PCNX2: variants seen among roughly 807,000 people sequenced by gnomAD.
PCNX2 encodes pecanex-like protein 2.
In PCNX2, 168 loss-of-function variants were observed where a neutral mutation model predicts 223.8. The ratio of observed to expected loss-of-function variants is 0.75; its 90% CI spans 0.66 to 0.85. The LOEUF (loss-of-function observed/expected upper bound fraction) is 0.85, where lower values mean the gene tolerates loss of function less well. Ranked by LOEUF, PCNX2 falls within the 40% of genes least tolerant of loss-of-function variation. The pLI is 0.00. For missense variants in PCNX2, 2,507 were observed against 2,675.5 expected (o/e 0.94, Z 1.39); for synonymous variants, 1,006 against 1,052.6 (o/e 0.96, Z 0.86).
chr1:233,185,652 G>A lies in PCNX2; in HGVS notation c.3067-6477C>T, dbSNP rs185593255. 5.1e-4 allele frequency among the ~76,000 whole-genome samples: 77 copies of A among 152,214 alleles called. 1 individual carries two copies. Among genetic ancestry groups the A allele is most frequent in the Admixed American group, 4.3e-3 (66 of 15,304 alleles). On this transcript the variant is annotated intron_variant, in intron 15 of 33. Transcript: ENST00000258229. ...CTTGTTGAAACACATGTAGAGCAAC[G>A]GCTCAGAGGAAGAAGGGATCAATTT...
chr1:233,085,462 T>G (rs1190935843), intron 23 of PCNX2, among the ~76,000 whole-genome samples: 1 of 152,208 alleles, frequency 6.6e-6, no homozygotes, highest in Non-Finnish European at 1.5e-5. Flanking sequence ...AATTTACTGA[T>G]GGCCATAGCA....
intron 25 of PCNX2, among the ~76,000 whole-genome samples, chr1:233,031,091 G>A (rs183435193): frequency 6.6e-6 from 1 of 152,300 alleles, no homozygotes; most frequent in East Asian, 1.9e-4. Flanking sequence ...CTCATTTTGT[G>A]TATTTCCTTT....
intron 8 of PCNX2, among the ~76,000 whole-genome samples, chr1:233,244,762 TGA>T (rs956994831): frequency 1.3e-5 from 2 of 152,190 alleles, no homozygotes; most frequent in African/African-American, 2.4e-5. Context: ...AAATTTAATT[TGA>T]GTCTCCACCT....
chr1:233,157,518 C>T (rs989115581), intron 19 of PCNX2, among the ~76,000 whole-genome samples: 7 of 152,192 alleles, frequency 4.6e-5, no homozygotes, highest in African/African-American at 1.7e-4. Context: ...CAGCAGTGGG[C>T]TACACACTAG....
chr1:233,208,013 T>C (rs1681581493), intron 13 of PCNX2, among the ~76,000 whole-genome samples: 1 of 152,078 alleles, frequency 6.6e-6, no homozygotes, highest in Non-Finnish European at 1.5e-5. Flanking sequence ...TGGAGAGCAA[T>C]GGCGTGATCT....
At chr1:232,997,127 T>C (rs1369731658) in intron 32 of PCNX2, among the ~76,000 whole-genome samples, 30 of 152,160 alleles carry the variant, frequency 2.0e-4, no homozygotes, top group Admixed American at 2.0e-3. Context: ...TGCCCATTCT[T>C]TCCCCTTTAA....
chr1:233,325,441 G>A, the PCNX2 span, among the ~76,000 whole-genome samples: 4 of 150,824 alleles, frequency 2.7e-5, no homozygotes, highest in African/African-American at 4.9e-5. Flanking sequence ...GGCGGATCAC[G>A]AGGTCAGGAG....
chr1:233,015,183 C>T (rs1375605620), intron 27 of PCNX2, among the ~76,000 whole-genome samples: 1 of 152,154 alleles, frequency 6.6e-6, no homozygotes, highest in Non-Finnish European at 1.5e-5. Flanking sequence ...GAAGGAGAGT[C>T]CTCTGTTCTC....
At chr1:233,003,743 G>C (rs113519083) in intron 28 of PCNX2, among the ~76,000 whole-genome samples, 2,096 of 152,230 alleles carry the variant, frequency 0.014, 52 homozygotes, top group African/African-American at 0.046. Flanking sequence ...CAAAGACTTG[G>C]AACCAACCCA....
chr1:233,092,257 C>A (rs1673909148), intron 22 of PCNX2, among the ~76,000 whole-genome samples: 1 of 152,130 alleles, frequency 6.6e-6, no homozygotes, highest in Admixed American at 6.5e-5. Flanking sequence ...AGGACAAAAC[C>A]AAGTGGAGCC....
At chr1:233,011,413 T>C (rs537022511) in intron 28 of PCNX2, among the ~76,000 whole-genome samples, 177 of 152,308 alleles carry the variant, frequency 1.2e-3, no homozygotes, top group Middle Eastern at 0.01. Context: ...AGTGGTTTCA[T>C]AGAAAACCTA....
chr1:232,984,534 C>T (rs761382767), intron 33 of PCNX2, 57 bp from the exon 34 acceptor site: 60 of 1,555,370 alleles, frequency 3.9e-5, no homozygotes, highest in Non-Finnish European at 5.2e-5. Flanking sequence ...CTACCCACTT[C>T]TAACTGGCAT....
chr1:233,232,057 A>G (rs1282152197), intron 9 of PCNX2, among the ~76,000 whole-genome samples: 2 of 152,244 alleles, frequency 1.3e-5, no homozygotes, highest in African/African-American at 4.8e-5. Context: ...AATGTGAATT[A>G]TAACTGGATG....
intron 26 of PCNX2, among the ~76,000 whole-genome samples, chr1:233,024,791 T>C (rs946436224): frequency 3.9e-5 from 6 of 152,220 alleles, no homozygotes; most frequent in Non-Finnish European, 1.5e-5. Context: ...AGCATCTAAT[T>C]TGACCCTTAT....
chr1:233,201,796 T>C (rs1231460107), intron 13 of PCNX2: 1 of 155,940 alleles, frequency 6.4e-6, no homozygotes, highest in Admixed American at 6.4e-5. Context: ...TAAAGAGATA[T>C]TCTGTATAAG....
At chr1:233,073,846 T>C (rs1672966934) in intron 23 of PCNX2, among the ~76,000 whole-genome samples, 1 of 152,176 alleles carries the variant, frequency 6.6e-6, no homozygotes, top group African/African-American at 2.4e-5. Flanking sequence ...TATTAAACTT[T>C]TGACCTCGAG....
the PCNX2 span, among the ~76,000 whole-genome samples, chr1:233,320,920 T>C: frequency 1.3e-5 from 2 of 152,116 alleles, no homozygotes; most frequent in African/African-American, 4.8e-5. Context: ...GGTTGTTGCT[T>C]GGAAGCTCAA....
chr1:233,191,623 TG>T (rs1256463558), intron 15 of PCNX2, among the ~76,000 whole-genome samples: 1 of 151,624 alleles, frequency 6.6e-6, no homozygotes, highest in Non-Finnish European at 1.5e-5. Context: ...ATATTATAGA[TG>T]GGTCTAGACT....
chr1:233,289,558 G>T, intron 1 of PCNX2: 1 of 622,402 alleles, frequency 1.6e-6, no homozygotes, highest in South Asian at 2.0e-5. Context: ...TCTGCTTCAG[G>T]CAGGTGAGGG....
Sources: allele counts gnomAD v4.1 joint callset (sites outside exome capture counted in the v4.1 genomes callset), GRCh38; gene constraint gnomAD v4.1.1; transcripts MANE v1.5; gene names NCBI Gene and HGNC (gene_info 2026-07-23, HGNC 2026-07-21).